ADAM22: variants seen among roughly 807,000 people sequenced by gnomAD.
ADAM22 encodes the protein ADAM metallopeptidase domain 22, also known as disintegrin and metalloproteinase domain-containing protein 22.
In ADAM22, 65 loss-of-function variants were observed where a neutral mutation model predicts 144.6. That is an observed-to-expected ratio of 0.45 (90% CI 0.37 to 0.55). The LOEUF is 0.55. Among genes scored for constraint, ADAM22 ranks in the 20% least tolerant of loss-of-function variants. The pLI, the probability that ADAM22 is intolerant of heterozygous loss-of-function variation, is 0.00. For missense variants in ADAM22, 974 were observed against 1,184.9 expected (o/e 0.82, Z 2.61); for synonymous variants, 391 against 412.6 (o/e 0.95, Z 0.63).
rs765309948 is a variant in ADAM22, at chr7:88,189,355, A to G, written c.2750+2654A>G. Reference sequence around the variant, plus strand: ...TTTTCGAGTCCACTTCCATGATTCTATGGAATTTTTGGTGACTCTGAAAAG... The same window carrying G: ...TTTTCGAGTCCACTTCCATGATTCTGTGGAATTTTTGGTGACTCTGAAAAG... On this transcript the variant is annotated intron_variant, in intron 30 of 31. Coordinates refer to ENST00000413139, the MANE Select transcript of ADAM22 (RefSeq NM_001324418.2). 1.7e-4 allele frequency among the ~76,000 whole-genome samples: 26 copies of G among 152,296 alleles called. 1 individual carries two copies. Among genetic ancestry groups the G allele is most frequent in the Admixed American group, 2.6e-4 (4 of 15,284 alleles).
chr7:88,140,271 A>T (rs559131452), intron 14 of ADAM22, among the ~76,000 whole-genome samples: 1 of 152,102 alleles, frequency 6.6e-6, no homozygotes, highest in Non-Finnish European at 1.5e-5. Flanking sequence ...AAACTTTATC[A>T]TCGTGTCTGC....
intron 22 of ADAM22, among the ~76,000 whole-genome samples, chr7:88,161,152 AT>A (rs2129529138): frequency 6.6e-6 from 1 of 151,824 alleles, no homozygotes; most frequent in African/African-American, 2.4e-5. Context: ...CCCAAAAAAA[AT>A]CACTTCATTT....
intron 22 of ADAM22, among the ~76,000 whole-genome samples, chr7:88,161,381 A>G (rs1841601340): frequency 6.6e-6 from 1 of 152,140 alleles, no homozygotes; most frequent in Non-Finnish European, 1.5e-5. Flanking sequence ...AAGACAACTT[A>G]GGCAATACTG....
In ADAM22 at chr7:87,992,940, C is replaced by T. The variant is rs187004799; in HGVS notation, c.323+14528C>T. ...AACTGGGTCAAAACTCCTCTTAAAC[C>T]TTGGTAAAGTAAAAGGTACCTCTGT... On this transcript the variant is annotated intron_variant, in intron 3 of 31. Transcript: ENST00000413139. Among the ~76,000 whole-genome samples, 602 of 152,214 alleles carry T rather than the reference C, an allele frequency of 4.0e-3. 1 individual carries two copies. The highest frequency in any genetic ancestry group is 6.8e-3 in the Non-Finnish European group (461 of 68,022).
In ADAM22 at chr7:88,139,459, A is replaced by T. The variant is rs565972006; in HGVS notation, c.1220+3428A>T. ...ATAAATAAATAAATAAATAAATAAA[A>T]GGAGGGGCTTTGAAAAAAGACCTAT... On this transcript the variant is annotated intron_variant, in intron 14 of 31. Transcript: ENST00000413139. Among the ~76,000 whole-genome samples, 183 of 148,216 alleles carry T rather than the reference A, an allele frequency of 1.2e-3. 2 individuals are homozygous for T. The highest frequency in any genetic ancestry group is 4.4e-3 in the African/African-American group (173 of 39,558).
intron 15 of ADAM22, among the ~76,000 whole-genome samples, chr7:88,144,349 A>C (rs568125982): frequency 1.3e-5 from 2 of 152,326 alleles, no homozygotes; most frequent in African/African-American, 4.8e-5. Flanking sequence ...AGGATACATT[A>C]TATTCAAAAG....
At chr7:87,952,280 G>T (rs1167108426) in intron 2 of ADAM22, among the ~76,000 whole-genome samples, 1 of 150,244 alleles carries the variant, frequency 6.7e-6, no homozygotes, top group Non-Finnish European at 1.5e-5. Flanking sequence ...CTGTGGGTTT[G>T]TCATAGATAG....
chr7:88,082,171 GAAATAA>G (rs1185885116), intron 4 of ADAM22, among the ~76,000 whole-genome samples: 6 of 152,104 alleles, frequency 3.9e-5, no homozygotes, highest in Non-Finnish European at 4.4e-5. Flanking sequence ...AGAGCCCTCA[GAAATAA>G]CGCCGCATAT....
At chr7:87,974,957 T>G (rs953587879) in intron 2 of ADAM22, among the ~76,000 whole-genome samples, 1 of 152,194 alleles carries the variant, frequency 6.6e-6, no homozygotes, top group Non-Finnish European at 1.5e-5. Flanking sequence ...CTTCCACTTA[T>G]AAGGACTCAT....
chr7:88,128,825 C>A, intron 9 of ADAM22, 149 bp downstream of exon 9: 1 of 562,192 alleles, frequency 1.8e-6, no homozygotes, highest in Middle Eastern at 4.2e-4. Context: ...CTAGCAACAA[C>A]CTGCAATTAG....
chr7:87,972,323 C>A (rs529730640), intron 2 of ADAM22, among the ~76,000 whole-genome samples: 10 of 150,846 alleles, frequency 6.6e-5, no homozygotes, highest in South Asian at 4.2e-4. Flanking sequence ...TGAGTGAACT[C>A]CCATTCACAA....
At position 88,142,904 on chromosome 7, in the gene ADAM22, A is replaced by G. The variant is rs575641558; in HGVS notation, c.1221-122A>G. 42 of 590,188 alleles carry G rather than the reference A, an allele frequency of 7.1e-5. 1 individual carries two copies. Among genetic ancestry groups the G allele is most frequent in the East Asian group, 4.1e-4 (15 of 36,542 alleles). The allele number at this position is 590,188 out of a possible 1,614,324, so 36.6% of individuals were successfully genotyped here. A position where few individuals can be genotyped will look rare whatever the true frequency, so the allele number is the denominator to read the frequency against. On this transcript the variant is annotated intron_variant, in intron 14 of 31. Coordinates refer to ENST00000413139, the MANE Select transcript of ADAM22 (RefSeq NM_001324418.2). ...TATAGATTGAATATAAATGTCATACATAAGTAGACTTTATTCCCTCATTTT... is the reference window on the plus strand; with the variant it reads ...TATAGATTGAATATAAATGTCATACGTAAGTAGACTTTATTCCCTCATTTT...
rs1586704074 is a variant in ADAM22 at position 88,201,924 on chromosome 7, T to C, written c.*5433T>C. 6.6e-6 allele frequency: 1 copy of C among 152,332 alleles called. No individual in the cohort carries two copies. Among genetic ancestry groups the C allele is most frequent in the Middle Eastern group, 3.4e-3 (1 of 294 alleles). The allele number at this position is 152,332 out of a possible 1,614,324, so 9.4% of individuals were successfully genotyped here. ...ATTCACCTTAGGGCTTAGCCTCTTA[T>C]TTTATGAATTTTCAGGCTGTGATTT... On this transcript the variant is annotated 3_prime_UTR_variant, in exon 32 of 32. Transcript: ENST00000413139.
chr7:88,113,103 C>T (rs1002689756), intron 5 of ADAM22, among the ~76,000 whole-genome samples: 5 of 150,048 alleles, frequency 3.3e-5, no homozygotes, highest in African/African-American at 7.4e-5. Context: ...CTTTCTGCAT[C>T]CCCCCTGCCT....
At chr7:88,135,599 A>G (rs901875303) in intron 13 of ADAM22, among the ~76,000 whole-genome samples, 2 of 152,330 alleles carry the variant, frequency 1.3e-5, no homozygotes, top group Non-Finnish European at 1.5e-5. Flanking sequence ...GAGACTTTCA[A>G]AAATGGTCAA....
chr7:88,174,061 A>G (rs957075901), intron 26 of ADAM22, among the ~76,000 whole-genome samples: 1 of 152,140 alleles, frequency 6.6e-6, no homozygotes, highest in Non-Finnish European at 1.5e-5. Flanking sequence ...CAGATTCTTA[A>G]TACTGTTGTA....
intron 26 of ADAM22, among the ~76,000 whole-genome samples, chr7:88,174,189 A>G (rs907809870): frequency 1.3e-5 from 2 of 152,132 alleles, no homozygotes; most frequent in African/African-American, 4.8e-5. Context: ...TGAGTCCTCA[A>G]GGTTTTCAGT....
chr7:88,150,881 A>G (rs1838144700), intron 18 of ADAM22, 100 bp from the exon 19 acceptor site: 11 of 1,006,338 alleles, frequency 1.1e-5, no homozygotes, highest in Non-Finnish European at 1.6e-5. Flanking sequence ...GGGACTAGCC[A>G]TATTAACAAA....
chr7:87,964,688 A>T (rs1453253410), intron 2 of ADAM22: 1 of 404,932 alleles, frequency 2.5e-6, no homozygotes, highest in Non-Finnish European at 4.8e-6. Context: ...GATACAGGTA[A>T]TGCAGTACCT....
Sources: gnomAD v4.1 joint callset for allele counts (sites outside exome capture counted in the v4.1 genomes callset) on GRCh38, gnomAD v4.1.1 for gene constraint, MANE v1.5 for transcripts, NCBI Gene and HGNC (gene_info 2026-07-23, HGNC 2026-07-21) for gene names.